NCALD: variants seen among roughly 807,000 people sequenced by gnomAD.
NCALD encodes neurocalcin-delta.
In NCALD, 10 loss-of-function variants were observed where a neutral mutation model predicts 18.6. The ratio of observed to expected loss-of-function variants is 0.54; its 90% CI spans 0.33 to 0.91. The LOEUF is 0.91. Among genes scored for constraint, NCALD ranks in the 40% least tolerant of loss-of-function variants. The probability of loss-of-function intolerance (pLI) is 0.03; values close to 1 mark genes in which losing one functional copy is unlikely to be tolerated. For synonymous variants in NCALD, 88 were observed against 87.4 expected, an observed-to-expected ratio of 1.01 and a Z score of -0.04; for missense variants, 184 against 247.6, an observed-to-expected ratio of 0.74 and a Z score of 1.72.
intron 4 of NCALD, chr8:101,872,540 G>C: frequency 1.5e-6 from 1 of 665,922 alleles, no homozygotes. Context: ...TCTGTGTTGG[G>C]GTCCTGCATC....
chr8:101,934,853 T>A lies in NCALD; in HGVS notation c.-156-18995A>T, dbSNP rs578223419. ...ACAAGCTGCCACTAAAAAGAAGAGA[T>A]AAGATTTAAATACACAAAGAGAATA... On this transcript the variant is annotated intron_variant, in intron 2 of 6. Coordinates refer to the NCALD transcript ENST00000311028. Among the ~76,000 whole-genome samples the A allele has an allele frequency of 3.9e-5, 6 of 152,224 alleles. No homozygotes were observed. In the South Asian group the frequency reaches 1.2e-3, roughly 32 times the overall value.
intron 2 of NCALD, among the ~76,000 whole-genome samples, chr8:101,923,954 A>C (rs909460400): frequency 6.6e-6 from 1 of 152,210 alleles, no homozygotes; most frequent in African/African-American, 2.4e-5. Context: ...TAAAGGATAC[A>C]TGTGCAGATT....
chr8:102,081,734 C>G (rs1824546223), intron 1 of NCALD, among the ~76,000 whole-genome samples: 1 of 152,094 alleles, frequency 6.6e-6, no homozygotes, highest in Admixed American at 6.5e-5. Flanking sequence ...CACAGAACAT[C>G]GTTTGATAAA....
intron 1 of NCALD, among the ~76,000 whole-genome samples, chr8:102,067,378 C>T (rs1335017389): frequency 6.6e-6 from 1 of 152,154 alleles, no homozygotes; most frequent in Non-Finnish European, 1.5e-5. Context: ...AAACACTTAA[C>T]CTTGCTGTTG....
rs115081004 is a variant in NCALD, at chr8:101,990,917, G to A, written c.-157+29320C>T. Among the ~76,000 whole-genome samples the A allele has an allele frequency of 6.0e-3, 917 of 152,270 alleles. 10 individuals carry two copies. Among genetic ancestry groups the A allele is most frequent in the African/African-American group, 0.018 (735 of 41,548 alleles). The stretch of plus-strand genomic sequence containing the variant: ...AGAACAAAAATCCCCTGAGCACACA[G>A]CAGACGAACTAAAACCTGAATGCCC... On this transcript the variant is annotated intron_variant, in intron 2 of 6. Coordinates refer to the NCALD transcript ENST00000311028.
intron 2 of NCALD, among the ~76,000 whole-genome samples, chr8:101,979,928 C>T (rs1017627437): frequency 6.6e-6 from 1 of 152,184 alleles, no homozygotes; most frequent in Non-Finnish European, 1.5e-5. Flanking sequence ...CCAGGATAGT[C>T]CTTGTGTTAC....
At chr8:101,986,432 T>C (rs2131962757) in intron 2 of NCALD, 1 of 152,404 alleles carries the variant, frequency 6.6e-6, no homozygotes, top group Non-Finnish European at 1.5e-5. Context: ...AAGCTCTGAT[T>C]CACGTCAAGC....
At chr8:101,880,124 A>C (rs1816423268) in intron 4 of NCALD, among the ~76,000 whole-genome samples, 1 of 152,084 alleles carries the variant, frequency 6.6e-6, no homozygotes, top group Non-Finnish European at 1.5e-5. Flanking sequence ...GGTGGGCTGC[A>C]GGTCCCGAGC....
intron 1 of NCALD, among the ~76,000 whole-genome samples, chr8:101,773,263 G>T (rs946679424): frequency 6.6e-6 from 1 of 152,062 alleles, no homozygotes; most frequent in Non-Finnish European, 1.5e-5. Flanking sequence ...GGCAGCCTAG[G>T]GTTCTCAGCT....
chr8:101,833,610 G>GTTTTT (rs555031298), intron 4 of NCALD, among the ~76,000 whole-genome samples: 71 of 88,374 alleles, frequency 8.0e-4, no homozygotes, highest in Middle Eastern at 8.3e-3. Context: ...TTTGTTTCTT[G>GTTTTT]TTTTTTTTTT....
chr8:102,058,740 C>G (rs181544374), intron 1 of NCALD, among the ~76,000 whole-genome samples: 3 of 152,288 alleles, frequency 2.0e-5, no homozygotes, highest in Admixed American at 2.0e-4. Context: ...ATTCTCAGAA[C>G]ATTGTGAGTA....
At chr8:101,932,914 C>A (rs1362941591) in intron 2 of NCALD, among the ~76,000 whole-genome samples, 1 of 152,114 alleles carries the variant, frequency 6.6e-6, no homozygotes, top group African/African-American at 2.4e-5. Flanking sequence ...ATTACTTTTA[C>A]ACACACACAC....
chr8:101,688,966 C>T lies in NCALD; in HGVS notation c.*343G>A. ...CCCCTTGAAGCTTGCAATAGAATCA[C>T]AGGACTGGATGGGTTTCCCTTCTTT... On this transcript the variant is annotated 3_prime_UTR_variant, in exon 4 of 4. Coordinates refer to ENST00000220931, the MANE Select transcript of NCALD (RefSeq NM_032041.3). 2 of 660,772 alleles carry T rather than the reference C, an allele frequency of 3.0e-6. No individual in the cohort carries two copies. Among genetic ancestry groups the T allele is most frequent in the Non-Finnish European group, 5.4e-6 (2 of 369,104 alleles). 40.9% of individuals were successfully genotyped at this position (660,772 alleles called of 1,614,324 possible). A position where few individuals can be genotyped will look rare whatever the true frequency, so the allele number is the denominator to read the frequency against.
chr8:101,729,528 A>G (rs1001164198), intron 1 of NCALD, among the ~76,000 whole-genome samples: 1 of 152,152 alleles, frequency 6.6e-6, no homozygotes, highest in Non-Finnish European at 1.5e-5. Flanking sequence ...CATATCTCCT[A>G]TGTGAAGGGT....
chr8:101,740,165 C>T (rs889878481), intron 1 of NCALD, among the ~76,000 whole-genome samples: 2 of 152,198 alleles, frequency 1.3e-5, no homozygotes, highest in Non-Finnish European at 2.9e-5. Context: ...TAGCAGAGGA[C>T]ACTGCTTTTA....
At chr8:101,917,026 C>T (rs1265967561) in intron 2 of NCALD, among the ~76,000 whole-genome samples, 3 of 152,080 alleles carry the variant, frequency 2.0e-5, no homozygotes, top group Non-Finnish European at 2.9e-5. Flanking sequence ...ATACTCCATC[C>T]ATCAAGTATA....
chr8:101,695,627 C>A (rs1011515146), intron 2 of NCALD, among the ~76,000 whole-genome samples: 1 of 152,134 alleles, frequency 6.6e-6, no homozygotes, highest in Non-Finnish European at 1.5e-5. Flanking sequence ...CTCCAGGAAG[C>A]CTTCCATCAT....
intron 2 of NCALD, among the ~76,000 whole-genome samples, chr8:101,962,025 A>T (rs1819853957): frequency 6.6e-6 from 1 of 152,216 alleles, no homozygotes; most frequent in African/African-American, 2.4e-5. Flanking sequence ...AGTTTATCTC[A>T]AAAGAGAGAG....
intron 2 of NCALD, chr8:101,693,758 C>T (rs1814857564): frequency 6.6e-6 from 1 of 152,226 alleles, no homozygotes; most frequent in Non-Finnish European, 1.5e-5. Context: ...ATGTAACACT[C>T]TGTAAGTGCA....
Sources: allele counts gnomAD v4.1 joint callset (sites outside exome capture counted in the v4.1 genomes callset), GRCh38; gene constraint gnomAD v4.1.1; transcripts MANE v1.5; gene names NCBI Gene and HGNC (gene_info 2026-07-23, HGNC 2026-07-21).